Variants in RNF115 observed in about 807,000 individuals in gnomAD.
RNF115 encodes ring finger protein 115, also known as E3 ubiquitin-protein ligase RNF115.
In RNF115, 31 loss-of-function variants were observed where a neutral mutation model predicts 39.2. The observed-to-expected ratio is 0.79, with a 90% CI of 0.59 to 1.07. RNF115 has a LOEUF of 1.07. Among genes scored for constraint, RNF115 ranks in the 50% least tolerant of loss-of-function variants. The pLI is 0.00. For synonymous variants in RNF115, 124 were observed against 131.0 expected, an observed-to-expected ratio of 0.95 and a Z score of 0.37; for missense variants, 384 against 381.7, an observed-to-expected ratio of 1.01 and a Z score of -0.05.
At chr1:145,753,140 T>C (rs1571708622) in intron 4 of RNF115, 91 bp from the exon 5 acceptor site, 1 of 818,312 alleles carries the variant, frequency 1.2e-6, no homozygotes, top group East Asian at 2.5e-5. Context: ...ACTAATTCCC[T>C]AAACCAAAAT....
At position 145,824,019 on chromosome 1, in the gene RNF115, G is replaced by C; in HGVS notation, c.-146C>G. 1 of 561,192 alleles carries C rather than the reference G, an allele frequency of 1.8e-6. No individual in the cohort carries two copies. 34.8% of individuals were successfully genotyped at this position (561,192 alleles called of 1,614,324 possible). A position where few individuals can be genotyped will look rare whatever the true frequency, so the allele number is the denominator to read the frequency against. ...CCGCGTCGGTCACGTGAGTTGGCCA[G>C]GCCCAGAAACGCGGCGGCGCCAACA... On this transcript the variant is annotated 5_prime_UTR_variant, in exon 1 of 9. Coordinates refer to ENST00000582693, the MANE Select transcript of RNF115 (RefSeq NM_014455.4).
At chr1:145,778,639 C>G (rs187677684) in intron 3 of RNF115, among the ~76,000 whole-genome samples, 1 of 152,098 alleles carries the variant, frequency 6.6e-6, no homozygotes, top group East Asian at 1.9e-4. Flanking sequence ...ACTCATCACC[C>G]CGAAATGTTT....
chr1:145,808,922 A>C (rs1649574265), intron 1 of RNF115, among the ~76,000 whole-genome samples: 1 of 152,324 alleles, frequency 6.6e-6, no homozygotes, highest in East Asian at 1.9e-4. Flanking sequence ...TCTCTAGAAG[A>C]AGCTTTCATT....
chr1:145,750,369 A>G, intron 7 of RNF115, 38 bp downstream of exon 7: 1 of 1,479,474 alleles, frequency 6.8e-7, no homozygotes, highest in Non-Finnish European at 9.4e-7. Flanking sequence ...TTGAACCGAG[A>G]TCAGAAGATG....
intron 4 of RNF115, among the ~76,000 whole-genome samples, chr1:145,765,291 G>A (rs1658726316): frequency 6.6e-6 from 1 of 152,034 alleles, no homozygotes; most frequent in Non-Finnish European, 1.5e-5. Context: ...GTGGAAGGCC[G>A]CAGGGCCCTC....
At chr1:145,808,614 G>A (rs1035034468) in intron 1 of RNF115, among the ~76,000 whole-genome samples, 52 of 152,096 alleles carry the variant, frequency 3.4e-4, no homozygotes, top group Admixed American at 3.4e-3. Context: ...TTTGCTGTTT[G>A]CCTTTTACAT....
Position 145,822,327 on chromosome 1 carries a change from G to A in RNF115, c.102+1445C>T, listed in dbSNP as rs112703854. Among the ~76,000 whole-genome samples the A allele has an allele frequency of 4.4e-5, 6 of 136,274 alleles. No homozygotes were observed. The East Asian group carries it at 1.3e-3, about 29-fold the overall frequency. 89.4% of individuals were successfully genotyped at this position (136,274 alleles called of 152,430 possible). A position where few individuals can be genotyped will look rare whatever the true frequency, so the allele number is the denominator to read the frequency against. ...AGAGGCTGTCTCAAAAAAAAAAAAA[G>A]AAAAAAGAAAAACAGCTAAGTAGCA... On this transcript the variant is annotated intron_variant, in intron 1 of 8. Coordinates refer to ENST00000582693, the MANE Select transcript of RNF115 (RefSeq NM_014455.4).
chr1:145,776,093 G>T (rs923044918), intron 3 of RNF115, among the ~76,000 whole-genome samples: 5 of 150,562 alleles, frequency 3.3e-5, no homozygotes, highest in African/African-American at 4.9e-5. Context: ...CAGGGTAAGG[G>T]GGGGGCTACT....
chr1:145,803,182 G>A (rs900592099), intron 1 of RNF115, among the ~76,000 whole-genome samples: 2 of 152,120 alleles, frequency 1.3e-5, no homozygotes, highest in African/African-American at 2.4e-5. Context: ...AGCTCAAGGA[G>A]TTGTAAGCAA....
At chr1:145,769,056 ATAAG>A (rs1413764813) in intron 4 of RNF115, among the ~76,000 whole-genome samples, 1 of 152,242 alleles carries the variant, frequency 6.6e-6, no homozygotes. Flanking sequence ...TGGTTAAAAA[ATAAG>A]TGAGAAGGCT....
chr1:145,785,546 G>A (rs1648341136), intron 2 of RNF115, among the ~76,000 whole-genome samples: 1 of 152,118 alleles, frequency 6.6e-6, no homozygotes, highest in South Asian at 2.1e-4. Flanking sequence ...CCGGGAAGAG[G>A]GGATGGAAAG....
intron 7 of RNF115, among the ~76,000 whole-genome samples, chr1:145,749,166 G>A (rs1553712135): frequency 6.6e-6 from 1 of 152,166 alleles, no homozygotes; most frequent in Non-Finnish European, 1.5e-5. Flanking sequence ...ACTAACAGCA[G>A]ATAAGGCATT....
At position 145,824,049 on chromosome 1, in the gene RNF115, C is replaced by T; in HGVS notation, c.-176G>A. The T allele has an allele frequency of 2.0e-6, 1 of 495,558 alleles. No homozygotes were observed. Among genetic ancestry groups the T allele is most frequent in the Non-Finnish European group, 3.5e-6 (1 of 286,426 alleles). 30.7% of individuals were successfully genotyped at this position (495,558 alleles called of 1,614,324 possible). On this transcript the variant is annotated 5_prime_UTR_variant, in exon 1 of 9. Transcript: ENST00000582693. ...AGAAACGCGGCGGCGCCAACAGCTACCCTGCGGCCCGCCTCCCAGCACCAA... is the reference window on the plus strand; with the variant it reads ...AGAAACGCGGCGGCGCCAACAGCTATCCTGCGGCCCGCCTCCCAGCACCAA...
chr1:145,773,938 C>T (rs1014894525), intron 3 of RNF115: 1 of 152,196 alleles, frequency 6.6e-6, no homozygotes, highest in Non-Finnish European at 1.5e-5. Context: ...GGAACACAGG[C>T]TGTCATCTTC....
At chr1:145,752,742 C>A (rs1658139958) in intron 5 of RNF115, among the ~76,000 whole-genome samples, 1 of 151,960 alleles carries the variant, frequency 6.6e-6, no homozygotes, top group Non-Finnish European at 1.5e-5. Flanking sequence ...AGCATGCCAC[C>A]ACGCCTGGCT....
In RNF115 at chr1:145,771,800, G is replaced by A; in HGVS notation, c.339C>T (p.Phe113=). 1.2e-6 allele frequency: 2 copies of A among 1,614,170 alleles called. No individual in the cohort carries two copies. Among genetic ancestry groups the A allele is most frequent in the Non-Finnish European group, 1.7e-6 (2 of 1,180,014 alleles). The change falls in exon 4 of 9, where the codon TTC becomes TTT. Residue 113 remains phenylalanine (F), a synonymous_variant. Transcript: ENST00000582693. ...NERGHQTHTD[F]WGARPPRLPL... ...GCAACCGTGGAGGTCTTGCTCCCCAGAAGTCAGTGTGAGTCTGGTGACCCC... is the reference window on the plus strand; with the variant it reads ...GCAACCGTGGAGGTCTTGCTCCCCAAAAGTCAGTGTGAGTCTGGTGACCCC...
intron 5 of RNF115, among the ~76,000 whole-genome samples, chr1:145,752,585 CTTTTTTTT>C (rs60257682): frequency 1.2e-5 from 1 of 83,784 alleles, no homozygotes; most frequent in African/African-American, 5.7e-5. Flanking sequence ...CTATGCAGCT[CTTTTTTTT>C]TTTTTTTTTT....
Position 145,743,331 on chromosome 1 carries a change from C to T in RNF115, c.*3535G>A, listed in dbSNP as rs1657741682. The T allele has an allele frequency of 6.6e-6, 1 of 152,198 alleles. No individual in the cohort carries two copies. The highest frequency in any genetic ancestry group is 6.5e-5 in the Admixed American group (1 of 15,272). 9.4% of individuals were successfully genotyped at this position (152,198 alleles called of 1,614,324 possible). ...CTTGAACTAAGACCTCAGTCTTTTC[C>T]TGCCTCTGAACTGGAACAGAAACAT... On this transcript the variant is annotated 3_prime_UTR_variant, in exon 9 of 9. Transcript: ENST00000582693.
At chr1:145,806,137 C>A (rs1553721547) in intron 1 of RNF115, among the ~76,000 whole-genome samples, 1 of 152,112 alleles carries the variant, frequency 6.6e-6, no homozygotes, top group African/African-American at 2.4e-5. Context: ...CACTTGAGGT[C>A]AGGTGTTCAA....
Sources: gnomAD v4.1 joint callset for allele counts (sites outside exome capture counted in the v4.1 genomes callset) on GRCh38, gnomAD v4.1.1 for gene constraint, MANE v1.5 for transcripts, NCBI Gene and HGNC (gene_info 2026-07-23, HGNC 2026-07-21) for gene names.